C1QTNF3: variants seen among roughly 807,000 people sequenced by gnomAD.
C1QTNF3 encodes C1q and TNF related 3.
C1QTNF3 carries 26 observed loss-of-function variants against 32.6 expected under a neutral mutation model. The ratio of observed to expected loss-of-function variants is 0.80; its 90% CI spans 0.58 to 1.11. The LOEUF (loss-of-function observed/expected upper bound fraction) is 1.11, where lower values mean the gene tolerates loss of function less well. Among genes scored for constraint, C1QTNF3 ranks in the 50% least tolerant of loss-of-function variants. The pLI, the probability that C1QTNF3 is intolerant of heterozygous loss-of-function variation, is 0.00. For synonymous variants in C1QTNF3, 155 were observed against 146.0 expected (o/e 1.06, Z -0.44); for missense variants, 362 against 398.2 (o/e 0.91, Z 0.77).
At chr5:34,210,646 A>T in the C1QTNF3 span, among the ~76,000 whole-genome samples, 1 of 152,046 alleles carries the variant, frequency 6.6e-6, no homozygotes, top group African/African-American at 2.4e-5. Flanking sequence ...TGTTACTGCC[A>T]TTGGATAGAA....
the C1QTNF3 span, among the ~76,000 whole-genome samples, chr5:34,216,495 C>T: frequency 6.6e-6 from 1 of 152,092 alleles, no homozygotes; most frequent in Non-Finnish European, 1.5e-5. Flanking sequence ...AAATTTGTAC[C>T]GATATTTTCC....
chr5:34,102,536 G>A, the C1QTNF3 span, among the ~76,000 whole-genome samples: 1 of 151,458 alleles, frequency 6.6e-6, no homozygotes. Flanking sequence ...TCATCATCAG[G>A]GTCATTCTTG....
At chr5:34,232,598 C>T in the C1QTNF3 span, among the ~76,000 whole-genome samples, 1 of 151,802 alleles carries the variant, frequency 6.6e-6, no homozygotes, top group African/African-American at 2.4e-5. Flanking sequence ...GTGGCACTTC[C>T]CTCCTTGTGC....
In C1QTNF3 at chr5:34,031,255, C is replaced by T. The variant is rs180678539; in HGVS notation, c.570+2049G>A. Among the ~76,000 whole-genome samples, 256 of 152,200 alleles carry T rather than the reference C, an allele frequency of 1.7e-3. 2 individuals are homozygous for T. The highest frequency in any genetic ancestry group is 3.0e-3 in the Non-Finnish European group (206 of 68,022). ...TGGGACCTTCAAAGAATGTGAAGTT[C>T]CCTCCTTCACAATCTGTGTAAGACC... On this transcript the variant is annotated intron_variant, in intron 3 of 5. Coordinates refer to ENST00000382065, the MANE Select transcript of C1QTNF3 (RefSeq NM_181435.6).
At chr5:34,090,139 C>T in the C1QTNF3 span, among the ~76,000 whole-genome samples, 1 of 151,620 alleles carries the variant, frequency 6.6e-6, no homozygotes. Context: ...GCTTATGACA[C>T]ACCAGGTACT....
chr5:34,170,015 A>G, the C1QTNF3 span, among the ~76,000 whole-genome samples: 1 of 152,340 alleles, frequency 6.6e-6, no homozygotes, highest in East Asian at 1.9e-4. Flanking sequence ...ACAATAGCCA[A>G]TATATGGAAA....
At chr5:34,050,284 G>A in the C1QTNF3 span, among the ~76,000 whole-genome samples, 1 of 151,998 alleles carries the variant, frequency 6.6e-6, no homozygotes, top group African/African-American at 2.4e-5. Context: ...TCTCATGTGC[G>A]CCTCTCTCCT....
chr5:34,155,416 A>C, the C1QTNF3 span, among the ~76,000 whole-genome samples: 1 of 152,224 alleles, frequency 6.6e-6, no homozygotes, highest in African/African-American at 2.4e-5. Flanking sequence ...TCAGCTCTGA[A>C]GTGACTAGTA....
the C1QTNF3 span, among the ~76,000 whole-genome samples, chr5:34,231,527 G>A: frequency 6.6e-6 from 1 of 152,158 alleles, no homozygotes; most frequent in African/African-American, 2.4e-5. Context: ...CTTTAAACAA[G>A]CACATATGCT....
At chr5:34,056,469 TATATATATATAGAGAGAG>T in the C1QTNF3 span, among the ~76,000 whole-genome samples, 2 of 109,318 alleles carry the variant, frequency 1.8e-5, no homozygotes, top group South Asian at 3.3e-4. Context: ...TATATATATA[TATATATATATAGAGAGAG>T]AGAGAGAGAG....
At chr5:34,164,857 C>A in the C1QTNF3 span, 1 of 151,074 alleles carries the variant, frequency 6.6e-6, no homozygotes. Flanking sequence ...AAGCCTGTAA[C>A]CTTTGAAAGC....
upstream of C1QTNF3, among the ~76,000 whole-genome samples, chr5:34,045,762 T>A (rs1449105251): frequency 6.6e-6 from 1 of 151,732 alleles, no homozygotes. Flanking sequence ...CCATTATTGA[T>A]CTCTCCCAAG....
At chr5:34,106,250 CTT>C in the C1QTNF3 span, 3 of 149,654 alleles carry the variant, frequency 2.0e-5, no homozygotes, top group Non-Finnish European at 3.0e-5. Flanking sequence ...AAAAAAAAAA[CTT>C]GAGAGAAATT....
At chr5:34,217,086 T>C in the C1QTNF3 span, among the ~76,000 whole-genome samples, 4 of 152,186 alleles carry the variant, frequency 2.6e-5, no homozygotes, top group African/African-American at 9.6e-5. Context: ...TCCATGTAAA[T>C]AGCAGTCTTG....
chr5:34,046,438 G>C (rs1481086455), upstream of C1QTNF3, among the ~76,000 whole-genome samples: 1 of 152,202 alleles, frequency 6.6e-6, no homozygotes, highest in Non-Finnish European at 1.5e-5. Context: ...GGAGAACTTA[G>C]ACACAGAGGC....
chr5:34,122,215 A>T, the C1QTNF3 span, among the ~76,000 whole-genome samples: 1 of 152,182 alleles, frequency 6.6e-6, no homozygotes, highest in Non-Finnish European at 1.5e-5. Context: ...GAAAAAGTCA[A>T]CACAGCTCTG....
At chr5:34,028,206 T>C (rs569313742) in intron 4 of C1QTNF3, among the ~76,000 whole-genome samples, 78 of 152,340 alleles carry the variant, frequency 5.1e-4, no homozygotes, top group African/African-American at 1.8e-3. Context: ...TCTACTGACC[T>C]CGTGATCCGC....
At chr5:34,236,061 C>T in the C1QTNF3 span, among the ~76,000 whole-genome samples, 6 of 152,158 alleles carry the variant, frequency 3.9e-5, no homozygotes, top group African/African-American at 1.2e-4. Flanking sequence ...TACTGAAAAA[C>T]GTATACAGAA....
the C1QTNF3 span, among the ~76,000 whole-genome samples, chr5:34,065,753 G>T: frequency 6.6e-6 from 1 of 152,146 alleles, no homozygotes; most frequent in Non-Finnish European, 1.5e-5. Flanking sequence ...AATGCAAATA[G>T]TTCACACACT....
Sources: gnomAD v4.1 joint callset for allele counts (sites outside exome capture counted in the v4.1 genomes callset) on GRCh38, gnomAD v4.1.1 for gene constraint, MANE v1.5 for transcripts, NCBI Gene and HGNC (gene_info 2026-07-23, HGNC 2026-07-21) for gene names.